The following UBE2Q2 variants were observed in gnomAD, a reference collection of about 807,000 sequenced individuals.
UBE2Q2 encodes ubiquitin-conjugating enzyme E2 Q2.
Under a neutral mutation model 59.9 loss-of-function variants are expected in UBE2Q2, and 54 were observed. The ratio of observed to expected loss-of-function variants is 0.90; its 90% CI spans 0.72 to 1.13. The LOEUF (loss-of-function observed/expected upper bound fraction) is 1.13, where lower values mean the gene tolerates loss of function less well. Ranked by LOEUF, UBE2Q2 falls within the 50% of genes most tolerant of loss-of-function variation. The pLI is 0.00. For missense variants in UBE2Q2, 433 were observed against 441.9 expected (o/e 0.98, Z 0.18); for synonymous variants, 165 against 155.2 (o/e 1.06, Z -0.47).
chr15:75,857,726 A>G (rs1233868037), intron 2 of UBE2Q2, among the ~76,000 whole-genome samples: 2 of 151,146 alleles, frequency 1.3e-5, no homozygotes, highest in African/African-American at 4.9e-5. Flanking sequence ...ATCATAGTGT[A>G]TAGTTTTATA....
intron 1 of UBE2Q2, among the ~76,000 whole-genome samples, chr15:75,845,094 T>C (rs1567011334): frequency 6.6e-6 from 1 of 152,030 alleles, no homozygotes; most frequent in East Asian, 1.9e-4. Flanking sequence ...CTCAGTCTTC[T>C]TGGGGGAAGA....
rs766738526 is a variant in UBE2Q2, at chr15:75,896,996, A to G, written c.1031A>G (p.Asn344Ser). ...KARVQFGANK[N>S]QYNLARAQQS... is the part of the protein sequence containing the mutation. ...TTAAAATGTGTAATTCTCTTTCAGAATCAATATAATCTAGCAAGAGCCCAA... is the reference window on the plus strand; with the variant it reads ...TTAAAATGTGTAATTCTCTTTCAGAGTCAATATAATCTAGCAAGAGCCCAA... Residue 344 changes from asparagine (N) to serine (S), a missense_variant and splice_region_variant, in exon 12 of 13, where the codon AAT (asparagine) becomes AGT (serine). By Grantham distance (46) the Asn-to-Ser change is conservative. Transcript: ENST00000267938. 2 of 1,548,226 alleles carry G rather than the reference A, an allele frequency of 1.3e-6. No homozygotes were observed. Among genetic ancestry groups the G allele is most frequent in the South Asian group, 1.2e-5 (1 of 81,962 alleles).
chr15:75,864,029 C>G (rs1567023934), intron 3 of UBE2Q2, among the ~76,000 whole-genome samples: 1 of 152,124 alleles, frequency 6.6e-6, no homozygotes, highest in East Asian at 1.9e-4. Context: ...CCTGGTTTTT[C>G]ATGATTGTGC....
intron 11 of UBE2Q2, among the ~76,000 whole-genome samples, chr15:75,891,260 A>G (rs1899087504): frequency 6.6e-6 from 1 of 152,006 alleles, no homozygotes. Context: ...GATAAACATT[A>G]TAAGTTTACA....
At chr15:75,869,881 C>G (rs534767710) in intron 4 of UBE2Q2, among the ~76,000 whole-genome samples, 1 of 152,324 alleles carries the variant, frequency 6.6e-6, no homozygotes, top group East Asian at 1.9e-4. Context: ...TAAATTCAAA[C>G]TTCAGAACAA....
chr15:75,843,786 G>T lies in UBE2Q2; in HGVS notation c.120G>T (p.Val40=). ...KLDELHCQFL[V]PQQGSPHSLP... is the part of the protein sequence containing the mutation. ...ACGAGCTGCACTGCCAGTTCCTGGT[G>T]CCGCAGCAGGGCAGCCCGCACTCGC... Residue 40 remains valine, a synonymous_variant, in exon 1 of 13, where the codon GTG becomes GTT. Coordinates refer to ENST00000267938, the MANE Select transcript of UBE2Q2 (RefSeq NM_173469.4). 1.2e-6 allele frequency: 2 copies of T among 1,608,776 alleles called. No individual in the cohort carries two copies. Among genetic ancestry groups the T allele is most frequent in the Non-Finnish European group, 8.5e-7 (1 of 1,178,388 alleles).
intron 2 of UBE2Q2, among the ~76,000 whole-genome samples, chr15:75,854,819 G>A (rs930932660): frequency 6.6e-6 from 1 of 152,182 alleles, no homozygotes; most frequent in South Asian, 2.1e-4. Flanking sequence ...AGGGAGAGAT[G>A]GGGAGAATGA....
chr15:75,844,255 G>T lies in UBE2Q2; in HGVS notation c.180+409G>T. 6 of 1,508,946 alleles carry T rather than the reference G, an allele frequency of 4.0e-6. No homozygotes were observed. The Admixed American group carries it at 1.2e-4, about 31-fold the overall frequency. The allele number at this position is 1,508,946 out of a possible 1,614,324, so 93.5% of individuals were successfully genotyped here. A position where few individuals can be genotyped will look rare whatever the true frequency, so the allele number is the denominator to read the frequency against. On this transcript the variant is annotated intron_variant, in intron 1 of 12. Coordinates refer to ENST00000267938, the MANE Select transcript of UBE2Q2 (RefSeq NM_173469.4). ...TTGAGCCCAGGCCGGCAAGGGGAAC[G>T]GCCCTTAAGTTTTAACGCCTCATTT...
At chr15:75,891,069 T>G in intron 11 of UBE2Q2, 55 bp downstream of exon 11, 1 of 1,368,142 alleles carries the variant, frequency 7.3e-7, no homozygotes, top group Admixed American at 1.8e-5. Flanking sequence ...TATTACTTTA[T>G]AAGCTTTCTT....
Position 75,890,418 on chromosome 15 carries a change from C to T in UBE2Q2, c.885-17C>T. On this transcript the variant is annotated splice_polypyrimidine_tract_variant and intron_variant, in intron 9 of 12. Transcript: ENST00000267938. The stretch of plus-strand genomic sequence containing the variant: ...TAATTCTCGAGAATTTTGTATGACT[C>T]CTTTTTTCTTTTTAAGGTATGTATT... 1 of 1,581,870 alleles carries T rather than the reference C, an allele frequency of 6.3e-7. No individual in the cohort carries two copies. Among genetic ancestry groups the T allele is most frequent in the South Asian group, 1.2e-5 (1 of 84,038 alleles).
At chr15:75,873,977 G>GTA (rs1323093836) in intron 5 of UBE2Q2, among the ~76,000 whole-genome samples, 18 of 152,148 alleles carry the variant, frequency 1.2e-4, no homozygotes, top group Non-Finnish European at 2.4e-4. Flanking sequence ...TTACAGGCAT[G>GTA]AGCCACCGTG....
intron 5 of UBE2Q2, among the ~76,000 whole-genome samples, chr15:75,873,915 G>A (rs1490326155): frequency 6.6e-6 from 1 of 152,022 alleles, no homozygotes; most frequent in African/African-American, 2.4e-5. Context: ...GGCTGGTCTT[G>A]AACACCTGAG....
intron 1 of UBE2Q2, among the ~76,000 whole-genome samples, chr15:75,844,880 A>G (rs914600584): frequency 6.6e-6 from 1 of 152,186 alleles, no homozygotes; most frequent in Non-Finnish European, 1.5e-5. Context: ...AAGTGCCTGC[A>G]GGGTGGCTGG....
At chr15:75,891,588 A>G (rs987723096) in intron 11 of UBE2Q2, among the ~76,000 whole-genome samples, 9 of 152,104 alleles carry the variant, frequency 5.9e-5, no homozygotes, top group African/African-American at 2.2e-4. Flanking sequence ...TGAAGCATAC[A>G]GAAGTTAGTT....
chr15:75,865,089 GA>G (rs1181690574), intron 3 of UBE2Q2, among the ~76,000 whole-genome samples: 1 of 152,160 alleles, frequency 6.6e-6, no homozygotes, highest in Non-Finnish European at 1.5e-5. Context: ...GAATACTTGG[GA>G]GCCAACACCT....
intron 1 of UBE2Q2, among the ~76,000 whole-genome samples, chr15:75,850,456 A>G (rs1014726791): frequency 6.6e-6 from 1 of 152,182 alleles, no homozygotes; most frequent in Non-Finnish European, 1.5e-5. Context: ...CAAGGTGGCC[A>G]TCCTTGTCCC....
At chr15:75,873,690 G>A in intron 5 of UBE2Q2, 122 bp downstream of exon 5, 1 of 1,119,282 alleles carries the variant, frequency 8.9e-7, no homozygotes, top group Non-Finnish European at 1.3e-6. Context: ...CCTTAGTGGT[G>A]GATTCAGTCA....
At chr15:75,863,116 C>T (rs1428794930) in intron 3 of UBE2Q2, among the ~76,000 whole-genome samples, 1 of 152,144 alleles carries the variant, frequency 6.6e-6, no homozygotes, top group African/African-American at 2.4e-5. Flanking sequence ...TTTTGTTAAT[C>T]TGTTTACAGT....
chr15:75,876,107 C>G, intron 5 of UBE2Q2, 80 bp from the exon 6 acceptor site: 3 of 1,153,690 alleles, frequency 2.6e-6, no homozygotes, highest in Non-Finnish European at 3.7e-6. Flanking sequence ...TCCATTTTTG[C>G]TGTAATCTTT....
Sources: gnomAD v4.1 joint callset for allele counts (sites outside exome capture counted in the v4.1 genomes callset) on GRCh38, gnomAD v4.1.1 for gene constraint, MANE v1.5 for transcripts, NCBI Gene and HGNC (gene_info 2026-07-23, HGNC 2026-07-21) for gene names.